Variants in TENM1 observed in about 807,000 individuals in gnomAD.
TENM1 encodes teneurin transmembrane protein 1, also known as teneurin-1.
A neutral mutation model predicts 174.8 loss-of-function variants in TENM1; 35 were observed. The ratio of observed to expected loss-of-function variants is 0.20; its 90% CI spans 0.15 to 0.27. TENM1 has a LOEUF of 0.27. Among genes scored for constraint, TENM1 ranks in the 10% least tolerant of loss-of-function variants. The pLI is 1.00. For synonymous variants in TENM1, 781 were observed against 798.7 expected (o/e 0.98, Z 0.37); for missense variants, 1,633 against 2,130.1 (o/e 0.77, Z 4.59).
chrX:124,406,509 C>T lies in TENM1; in HGVS notation c.4983-20G>A, dbSNP rs370556893. 437 of 1,143,546 alleles carry T rather than the reference C, an allele frequency of 3.8e-4. 3 individuals carry two copies. The South Asian group carries it at 7.9e-3, about 21-fold the overall frequency. 94.2% of individuals were successfully genotyped at this position (1,143,546 alleles called of 1,213,427 possible). ...TCATACCTGAGGAATGTAACCAATC[C>T]CAGCTTTGAAGCGTCTCGGCAGTGA... On this transcript the variant is annotated intron_variant, in intron 25 of 31. Coordinates refer to ENST00000422452, the Ensembl canonical transcript of TENM1.
At chrX:124,385,727 A>G in exon 29 of TENM1, 1 of 1,206,956 alleles carries the variant, frequency 8.3e-7, no homozygotes, top group Non-Finnish European at 1.1e-6. Context: ...CATCAGGTGT[A>G]TTGTCTTAAT....
At chrX:125,067,922 G>A in the TENM1 span, among the ~76,000 whole-genome samples, 2 of 111,669 alleles carry the variant, frequency 1.8e-5, no homozygotes, top group African/African-American at 6.5e-5. Flanking sequence ...TTGATTCAGA[G>A]TTGACCTACA....
intron 3 of TENM1, among the ~76,000 whole-genome samples, chrX:124,764,907 T>C (rs1269354763): frequency 9.0e-6 from 1 of 110,968 alleles, no homozygotes; most frequent in Non-Finnish European, 1.9e-5. Flanking sequence ...CTCTGAATCT[T>C]TGCATTCATA....
At chrX:124,756,002 A>G (rs1403103000) in intron 3 of TENM1, among the ~76,000 whole-genome samples, 4 of 101,354 alleles carry the variant, frequency 3.9e-5, no homozygotes, top group African/African-American at 4.1e-5. Flanking sequence ...TCTTTGTGCC[A>G]TTCTCTGTAT....
intron 3 of TENM1, among the ~76,000 whole-genome samples, chrX:124,752,295 G>C: frequency 8.9e-6 from 1 of 111,862 alleles, no homozygotes; most frequent in Non-Finnish European, 1.9e-5. Flanking sequence ...GTCTTCTTTT[G>C]AGAAGTGTCT....
intron 3 of TENM1, among the ~76,000 whole-genome samples, chrX:124,798,627 A>G (rs746800226): frequency 9.0e-6 from 1 of 110,943 alleles, no homozygotes. Flanking sequence ...ATATTCTCCT[A>G]TTCTGTAGGT....
At chrX:124,877,265 G>C (rs1205235378) in intron 3 of TENM1, among the ~76,000 whole-genome samples, 1 of 112,190 alleles carries the variant, frequency 8.9e-6, no homozygotes, top group African/African-American at 3.2e-5. Context: ...CCCATTCATA[G>C]AGACAAAGTA....
the TENM1 span, among the ~76,000 whole-genome samples, chrX:125,199,959 A>G: frequency 9.0e-6 from 1 of 111,539 alleles, no homozygotes; most frequent in African/African-American, 3.3e-5. Flanking sequence ...CAGCACGTCT[A>G]GCAAACTACA....
chrX:125,167,931 A>C, the TENM1 span, among the ~76,000 whole-genome samples: 4 of 111,300 alleles, frequency 3.6e-5, no homozygotes, highest in African/African-American at 1.3e-4. Flanking sequence ...AGAATAAAGC[A>C]ATCATGATTT....
the TENM1 span, among the ~76,000 whole-genome samples, chrX:125,110,657 T>C: frequency 9.0e-6 from 1 of 111,355 alleles, no homozygotes; most frequent in Non-Finnish European, 1.9e-5. Flanking sequence ...AAAAAATGCC[T>C]TTCTGTAGCT....
the TENM1 span, among the ~76,000 whole-genome samples, chrX:125,041,720 C>T: frequency 9.0e-6 from 1 of 111,606 alleles, no homozygotes; most frequent in African/African-American, 3.2e-5. Context: ...TGTTTTGGGG[C>T]TAGTGCCCTA....
chrX:124,824,775 G>A lies in TENM1; in HGVS notation c.535+69521C>T, dbSNP rs758116957. Among the ~76,000 whole-genome samples, 6 of 111,613 alleles carry A rather than the reference G, an allele frequency of 5.4e-5. No homozygotes were observed. In the East Asian group the frequency reaches 1.4e-3, roughly 26 times the overall value. On this transcript the variant is annotated intron_variant, in intron 3 of 31. Coordinates refer to ENST00000422452, the Ensembl canonical transcript of TENM1. ...CCATGTCCAGATAAAATCAGAGGAG[G>A]ATATCATTTTGAATATTAAAAACAC... is the stretch of plus-strand genomic sequence containing the variant.
At chrX:124,399,986 T>C (rs944940558) in intron 27 of TENM1, among the ~76,000 whole-genome samples, 3 of 110,215 alleles carry the variant, frequency 2.7e-5, no homozygotes, top group Non-Finnish European at 5.7e-5. Context: ...CAACCAAATA[T>C]AGCAGGTTCT....
chrX:124,788,694 G>C (rs1177942553), intron 3 of TENM1, among the ~76,000 whole-genome samples: 2 of 112,918 alleles, frequency 1.8e-5, no homozygotes, highest in Admixed American at 1.9e-4. Context: ...CATGTCTCAT[G>C]TCCAAGTCAC....
At chrX:124,753,396 A>T (rs1377322096) in intron 3 of TENM1, among the ~76,000 whole-genome samples, 4 of 103,145 alleles carry the variant, frequency 3.9e-5, no homozygotes, top group Admixed American at 1.1e-4. Context: ...GGGCTGAGAC[A>T]ATGGGGTTTT....
the TENM1 span, among the ~76,000 whole-genome samples, chrX:125,035,062 A>T: frequency 1.5e-3 from 170 of 112,046 alleles, no homozygotes; most frequent in African/African-American, 5.1e-3. Context: ...TAATGCTTAT[A>T]CATACTGCTA....
intron 11 of TENM1, among the ~76,000 whole-genome samples, chrX:124,577,353 A>G (rs774001987): frequency 2.7e-5 from 3 of 111,383 alleles, no homozygotes; most frequent in African/African-American, 9.8e-5. Flanking sequence ...ATGCACCAAC[A>G]GTTTATTTTT....
chrX:125,019,344 TTTAA>T, the TENM1 span, among the ~76,000 whole-genome samples: 2 of 111,440 alleles, frequency 1.8e-5, no homozygotes, highest in Non-Finnish European at 3.8e-5. Flanking sequence ...TAAATATAAA[TTTAA>T]TTAAATATTT....
At chrX:124,688,341 C>A (rs1182007914) in intron 5 of TENM1, among the ~76,000 whole-genome samples, 2 of 109,572 alleles carry the variant, frequency 1.8e-5, no homozygotes, top group African/African-American at 6.7e-5. Context: ...CCTCCACCTC[C>A]CAGGTTCAAG....
Sources: gnomAD v4.1 joint callset for allele counts (sites outside exome capture counted in the v4.1 genomes callset) on GRCh38, gnomAD v4.1.1 for gene constraint, MANE v1.5 for transcripts, NCBI Gene and HGNC (gene_info 2026-07-23, HGNC 2026-07-21) for gene names.